The following CRTC3 variants were observed in gnomAD, a reference collection of about 807,000 sequenced individuals.
CRTC3 encodes the protein CREB regulated transcription coactivator 3, also known as CREB-regulated transcription coactivator 3.
A neutral mutation model predicts 74.5 loss-of-function variants in CRTC3; 26 were observed. The ratio of observed to expected loss-of-function variants is 0.35; its 90% CI spans 0.26 to 0.48. CRTC3 has a LOEUF of 0.48. Among genes scored for constraint, CRTC3 ranks in the 20% least tolerant of loss-of-function variants. The pLI is 0.99. For synonymous variants in CRTC3, 377 were observed against 325.8 expected, an observed-to-expected ratio of 1.16 and a Z score of -1.69; for missense variants, 760 against 787.3, an observed-to-expected ratio of 0.97 and a Z score of 0.41.
At chr15:90,638,909 C>T (rs1318752990) in intron 13 of CRTC3, 94 bp downstream of exon 13, 2 of 1,030,666 alleles carry the variant, frequency 1.9e-6, no homozygotes, top group Non-Finnish European at 3.0e-6. Flanking sequence ...GCAGACCAGA[C>T]ATGCCACTTT....
Position 90,641,219 on chromosome 15 carries a change from G to A in CRTC3, c.1651+20G>A, listed in dbSNP as rs551227995. ...TGCCAGGTGAGCGAGCTATCCCTCA[G>A]CTTCTTTACTGCTTTTATGTTGTTG... is the stretch of plus-strand genomic sequence containing the variant. On this transcript the variant is annotated intron_variant, in intron 14 of 14. Coordinates refer to ENST00000268184, the MANE Select transcript of CRTC3 (RefSeq NM_022769.5). The A allele has an allele frequency of 1.8e-4, 264 of 1,451,890 alleles. No homozygotes were observed. In the East Asian group the frequency reaches 5.2e-3, roughly 29 times the overall value. The allele number at this position is 1,451,890 out of a possible 1,614,324, so 89.9% of individuals were successfully genotyped here. A position where few individuals can be genotyped will look rare whatever the true frequency, so the allele number is the denominator to read the frequency against.
intron 4 of CRTC3, among the ~76,000 whole-genome samples, chr15:90,602,987 A>T (rs1460401643): frequency 6.6e-6 from 1 of 151,810 alleles, no homozygotes; most frequent in Non-Finnish European, 1.5e-5. Context: ...AACAAAAACA[A>T]ACACCTAAGC....
chr15:90,624,637 T>C (rs1379112996), intron 9 of CRTC3, among the ~76,000 whole-genome samples: 2 of 152,256 alleles, frequency 1.3e-5, no homozygotes, highest in Non-Finnish European at 1.5e-5. Flanking sequence ...GTCACTTATA[T>C]GCACTGGTTA....
At chr15:90,634,858 C>CAGTAGT (rs1596148075) in intron 11 of CRTC3, 2 of 1,545,618 alleles carry the variant, frequency 1.3e-6, no homozygotes, top group Non-Finnish European at 1.8e-6. Flanking sequence ...TTGCAAGCAA[C>CAGTAGT]AGTAGTCACT....
At chr15:90,605,703 C>T (rs547756361) in intron 5 of CRTC3, among the ~76,000 whole-genome samples, 123 of 152,320 alleles carry the variant, frequency 8.1e-4, no homozygotes, top group African/African-American at 2.7e-3. Context: ...TCTGCCTCTT[C>T]CCTCCTCTGA....
intron 2 of CRTC3, among the ~76,000 whole-genome samples, chr15:90,554,391 C>T (rs967204181): frequency 3.9e-5 from 6 of 152,022 alleles, no homozygotes; most frequent in East Asian, 3.9e-4. Context: ...TTAGTAGAGA[C>T]GGGGTTTCAC....
chr15:90,638,181 T>C, intron 11 of CRTC3: 1 of 419,222 alleles, frequency 2.4e-6, no homozygotes, highest in Non-Finnish European at 4.2e-6. Flanking sequence ...CGGAGAAAAC[T>C]GAAAGGAAAT....
At chr15:90,613,829 C>T (rs927115619) in intron 6 of CRTC3, 2 of 152,198 alleles carry the variant, frequency 1.3e-5, no homozygotes, top group Admixed American at 1.3e-4. Context: ...AAATACTATG[C>T]TTTGTCATCT....
At chr15:90,597,529 G>A (rs1967958196) in intron 3 of CRTC3, among the ~76,000 whole-genome samples, 1 of 152,138 alleles carries the variant, frequency 6.6e-6, no homozygotes, top group Non-Finnish European at 1.5e-5. Context: ...TTAGGACATT[G>A]GTTTATAGGA....
chr15:90,628,908 T>C (rs943010455), intron 10 of CRTC3, among the ~76,000 whole-genome samples: 5 of 152,144 alleles, frequency 3.3e-5, no homozygotes, highest in Non-Finnish European at 7.4e-5. Context: ...CTAGGGTCCT[T>C]TCCCTGGGTC....
chr15:90,570,134 C>T (rs549537835), intron 2 of CRTC3, among the ~76,000 whole-genome samples: 1 of 152,286 alleles, frequency 6.6e-6, no homozygotes, highest in Admixed American at 6.5e-5. Context: ...GTTGCTAGGA[C>T]ATAACTTGTT....
chr15:90,552,008 T>G (rs1966859603), intron 2 of CRTC3, among the ~76,000 whole-genome samples: 1 of 151,888 alleles, frequency 6.6e-6, no homozygotes, highest in Non-Finnish European at 1.5e-5. Context: ...GTGAAGGTGT[T>G]GGGTGTCGTG....
chr15:90,641,396 T>C (rs1178209771), intron 14 of CRTC3, 197 bp downstream of exon 14: 1 of 568,188 alleles, frequency 1.8e-6, no homozygotes, highest in South Asian at 2.1e-5. Context: ...AGTCAAAGCC[T>C]TTTCTGAAAG....
chr15:90,578,951 G>C (rs1169610769), intron 2 of CRTC3, among the ~76,000 whole-genome samples: 1 of 152,106 alleles, frequency 6.6e-6, no homozygotes, highest in East Asian at 1.9e-4. Context: ...GCTAAATCTT[G>C]CTGTGTGCCT....
At position 90,634,931 on chromosome 15, in the gene CRTC3, T is replaced by TA. The variant is rs1969178074; in HGVS notation, c.1267-3512dup. ...AACCAGTTAGCGTGAAAGTTGGAGATAAAGTTCTTCTCCCAGAATATGGAG... is the reference window on the plus strand; with the variant it reads ...AACCAGTTAGCGTGAAAGTTGGAGATAAAAGTTCTTCTCCCAGAATATGGAG... On this transcript the variant is annotated intron_variant, in intron 11 of 14. Transcript: ENST00000268184. The TA allele has an allele frequency of 1.1e-5, 17 of 1,576,396 alleles. No individual in the cohort carries two copies. The South Asian group carries it at 1.9e-4, about 17-fold the overall frequency.
intron 2 of CRTC3, among the ~76,000 whole-genome samples, chr15:90,540,945 C>A (rs994303250): frequency 2.0e-5 from 3 of 152,130 alleles, no homozygotes; most frequent in African/African-American, 4.8e-5. Flanking sequence ...TTGGACCAGC[C>A]GCATTTCACT....
rs116050136 is a variant in CRTC3 at position 90,555,386 on chromosome 15, A to G, written c.231+15249A>G. 4.6e-3 allele frequency among the ~76,000 whole-genome samples: 699 copies of G among 152,342 alleles called. 10 individuals are homozygous for G. Among genetic ancestry groups the G allele is most frequent in the African/African-American group, 0.016 (662 of 41,570 alleles). ...CGAGTGCCTTTATGAGTAAGATATT[A>G]TCTGGTTTATGAAGAAAATGCAGAC... On this transcript the variant is annotated intron_variant, in intron 2 of 14. Transcript: ENST00000268184.
chr15:90,548,243 A>G (rs1042897762), intron 2 of CRTC3, among the ~76,000 whole-genome samples: 1 of 152,204 alleles, frequency 6.6e-6, no homozygotes, highest in African/African-American at 2.4e-5. Context: ...ACTAAAAACT[A>G]ATTGTACTTT....
At chr15:90,584,542 C>T (rs558645529) in intron 2 of CRTC3, among the ~76,000 whole-genome samples, 1 of 152,206 alleles carries the variant, frequency 6.6e-6, no homozygotes, top group African/African-American at 2.4e-5. Flanking sequence ...CGGCCCCCAG[C>T]AGAATTTTTA....
Sources: gnomAD v4.1 joint callset for allele counts (sites outside exome capture counted in the v4.1 genomes callset) on GRCh38, gnomAD v4.1.1 for gene constraint, MANE v1.5 for transcripts, NCBI Gene and HGNC (gene_info 2026-07-23, HGNC 2026-07-21) for gene names.